Variants in TEP1 observed in about 807,000 individuals in gnomAD.
TEP1 encodes the protein telomerase associated protein 1.
A neutral mutation model predicts 306.3 loss-of-function variants in TEP1; 241 were observed. The observed-to-expected ratio is 0.79, with a 90% confidence interval of 0.71 to 0.88. The LOEUF (loss-of-function observed/expected upper bound fraction) is 0.88, where lower values mean the gene tolerates loss of function less well. TEP1 is among the 40% of genes least tolerant of loss of function. TEP1 has a pLI of 0.00. For synonymous variants in TEP1, 1,289 were observed against 1,305.5 expected (o/e 0.99, Z 0.27); for missense variants, 3,051 against 3,276.1 (o/e 0.93, Z 1.68).
At chr14:20,412,721 G>A (rs1291546984) in intron 1 of TEP1, among the ~76,000 whole-genome samples, 1 of 117,682 alleles carries the variant, frequency 8.5e-6, no homozygotes, top group Non-Finnish European at 1.6e-5. Flanking sequence ...GTCTGGCTCT[G>A]TTGTTCAGCT....
At position 20,369,549 on chromosome 14, in the gene TEP1, T is replaced by C; in HGVS notation, c.7451A>G (p.Asp2484Gly). 6.2e-6 allele frequency: 10 copies of C among 1,614,130 alleles called. No individual in the cohort carries two copies. Among genetic ancestry groups the C allele is most frequent in the Non-Finnish European group, 8.5e-6 (10 of 1,180,028 alleles). ...SESSFLCASS[D>G]GILWNLAKCS... ...TTTGGCCAGGTTCCATAGGATCCCATCAGAGCTGGCACACAAAAATGAGGA... is the reference window on the plus strand; with the variant it reads ...TTTGGCCAGGTTCCATAGGATCCCACCAGAGCTGGCACACAAAAATGAGGA... The change falls in exon 53 of 55, where the codon GAT becomes GGT. Residue 2484 changes from aspartate to glycine, a missense_variant. Physicochemically the swap from Asp to Gly is moderately conservative, Grantham distance 94. Around this residue, in one of 3 missense-constraint regions of TEP1, gnomAD observed 1,540 missense variants for 1,705.9 expected, o/e 0.90. Transcript: ENST00000262715.
At chr14:20,386,053 C>T in intron 20 of TEP1, 22 bp downstream of exon 20, 1 of 1,583,772 alleles carries the variant, frequency 6.3e-7, no homozygotes, top group South Asian at 1.2e-5. Context: ...CCCCAGCCCT[C>T]CTCCAAACCT....
At chr14:20,384,917 G>A (rs528273144) in intron 21 of TEP1, 68 bp downstream of exon 21, 1 of 1,607,978 alleles carries the variant, frequency 6.2e-7, no homozygotes, top group East Asian at 2.2e-5. Flanking sequence ...TCTGAATACT[G>A]AGGAGAGAAG....
In TEP1 at chr14:20,395,414, T is replaced by C. The variant is rs113652647; in HGVS notation, c.1928+36A>G. On this transcript the variant is annotated intron_variant, in intron 12 of 54. Transcript: ENST00000262715. The stretch of plus-strand genomic sequence containing the variant: ...CCAACCTGTGCCAGGGTAGCCCCGA[T>C]TGCCCACCCTTGGCTCCCAGACAGT... 2.4e-4 allele frequency: 362 copies of C among 1,530,686 alleles called. No individual in the cohort carries two copies. The African/African-American group carries it at 4.1e-3, about 17-fold the overall frequency. The allele number at this position is 1,530,686 out of a possible 1,614,324, so 94.8% of individuals were successfully genotyped here. A position where few individuals can be genotyped will look rare whatever the true frequency, so the allele number is the denominator to read the frequency against.
At chr14:20,408,523 A>G in intron 1 of TEP1, 60 bp from the exon 2 acceptor site, 1 of 1,324,344 alleles carries the variant, frequency 7.6e-7, no homozygotes, top group Non-Finnish European at 1.0e-6. Flanking sequence ...TATTTGCATG[A>G]GAGCATATCT....
chr14:20,389,408 A>G, intron 16 of TEP1, 111 bp from the exon 17 acceptor site: 1 of 1,451,442 alleles, frequency 6.9e-7, no homozygotes, highest in Non-Finnish European at 9.6e-7. Context: ...TAATAGGGTT[A>G]TGTGGTAGGC....
At chr14:20,395,807 T>C (rs1484176508) in intron 11 of TEP1, 52 bp downstream of exon 11, 3 of 1,573,584 alleles carry the variant, frequency 1.9e-6, no homozygotes, top group East Asian at 4.5e-5. Context: ...TGCTGCTTCA[T>C]TTATTGTCAG....
Position 20,381,954 on chromosome 14 carries a change from G to A in TEP1, c.4383C>T (p.Tyr1461=), listed in dbSNP as rs756462181. Residue 1461 remains tyrosine (Y), a synonymous_variant, in exon 30 of 55, where the codon TAC becomes TAT. Coordinates refer to ENST00000262715, the MANE Select transcript of TEP1 (RefSeq NM_007110.5). The surrounding 1 kb of genome is among the most constrained non-coding windows in gnomAD (Gnocchi z 4.0). The part of the protein sequence containing the change: ...AVAAGNSGDP[Y]PMGPFACLVQ... ...CGAGGCAGGCAAACGGGCCCATGGGGTAGGGGTCTCCACTGTTACCAGCAG... is the reference window on the plus strand; with the variant it reads ...CGAGGCAGGCAAACGGGCCCATGGGATAGGGGTCTCCACTGTTACCAGCAG... The A allele has an allele frequency of 3.7e-6, 6 of 1,614,010 alleles. No homozygotes were observed. Among genetic ancestry groups the A allele is most frequent in the South Asian group, 1.1e-5 (1 of 91,090 alleles).
chr14:20,388,964 A>G (rs1594351117), intron 17 of TEP1, among the ~76,000 whole-genome samples: 2 of 152,292 alleles, frequency 1.3e-5, no homozygotes, highest in South Asian at 2.1e-4. Flanking sequence ...CCTGACCAAC[A>G]TGGTGAAACC....
intron 7 of TEP1, 62 bp from the exon 8 acceptor site, chr14:20,401,643 C>A: frequency 6.3e-7 from 1 of 1,595,542 alleles, no homozygotes; most frequent in South Asian, 1.1e-5. Context: ...GAACTTTCTT[C>A]AATAAAGCAG....
At chr14:20,386,407 T>C (rs748733284) in intron 19 of TEP1, 40 bp downstream of exon 19, 1 of 1,579,016 alleles carries the variant, frequency 6.3e-7, no homozygotes, top group Admixed American at 1.8e-5. Flanking sequence ...CTCAAGCCCC[T>C]CATCCCCGAC....
rs762759586 is a variant in TEP1 at position 20,378,222 on chromosome 14, G to A, written c.5523C>T (p.Pro1841=). The A allele has an allele frequency of 1.1e-5, 18 of 1,613,346 alleles. No homozygotes were observed. The highest frequency in any genetic ancestry group is 3.3e-5 in the South Asian group (3 of 91,080). ...AGGCCAAGGTACGGATAGAGGCTCC[G>A]GGTGCCCCCAGGTCCTACACAGGGA... ...GLKVTKDLGA[P]GASIRTLAFN... The change falls in exon 39 of 55, where the codon CCC becomes CCT. Residue 1841 remains proline (P), a synonymous_variant. Coordinates refer to ENST00000262715, the MANE Select transcript of TEP1 (RefSeq NM_007110.5).
rs370162854 is a variant in TEP1, at chr14:20,383,245, G to A, written c.3976C>T (p.Arg1326Trp). 4.0e-5 allele frequency: 64 copies of A among 1,613,834 alleles called. No individual in the cohort carries two copies. In the Middle Eastern group the frequency reaches 4.9e-4, roughly 12 times the overall value. The change falls in exon 27 of 55, where the codon CGG becomes TGG. Residue 1326 changes from arginine (R) to tryptophan (W), a missense_variant. Physicochemically the swap from Arg to Trp is moderately radical, Grantham distance 101. This residue lies in a region of TEP1 where 1,540 missense variants were observed against 1,705.9 expected (regional missense o/e 0.90). Transcript: ENST00000262715. ...AGCTCCTCTCTCACCAGCCGGGCCC[G>A]AGCAGAGGCCTCCAGAGGCCCCAAG... ...LALGPLEASA[R>W]ARLVREELAL...
At chr14:20,386,396 A>G in intron 19 of TEP1, 51 bp downstream of exon 19, 1 of 1,574,866 alleles carries the variant, frequency 6.3e-7, no homozygotes, top group South Asian at 1.2e-5. Context: ...CAGGTCCACC[A>G]CTCAAGCCCC....
chr14:20,389,564 A>G, intron 16 of TEP1, 46 bp downstream of exon 16: 1 of 1,606,748 alleles, frequency 6.2e-7, no homozygotes, highest in South Asian at 1.1e-5. Flanking sequence ...GAGGAAATGT[A>G]GACCACTGAT....
At chr14:20,374,979 T>A (rs1045778881) in intron 43 of TEP1, among the ~76,000 whole-genome samples, 10 of 151,556 alleles carry the variant, frequency 6.6e-5, no homozygotes, top group African/African-American at 9.7e-5. Flanking sequence ...TAATCTCAGC[T>A]ACTCAGGAGG....
chr14:20,383,998 G>C, intron 24 of TEP1, 40 bp downstream of exon 24: 1 of 1,584,698 alleles, frequency 6.3e-7, no homozygotes, highest in Non-Finnish European at 8.6e-7. Context: ...AGCCCACACA[G>C]CCTTCCCTCC....
Position 20,385,012 on chromosome 14 carries a change from A to T in TEP1, c.3080T>A (p.Ile1027Asn). 6.2e-7 allele frequency: 1 copy of T among 1,614,234 alleles called. No homozygotes were observed. Among genetic ancestry groups the T allele is most frequent in the Non-Finnish European group, 8.5e-7 (1 of 1,180,048 alleles). ...QRLQPSAQAL[I>N]YFRDSSFLSS... The stretch of plus-strand genomic sequence containing the variant: ...GAGGAAGCTGGAATCCCGGAAGTAG[A>T]TGAGAGCTTGGGCAGAGGGCTGCAG... The change falls in exon 21 of 55, where the codon ATC becomes AAC. Residue 1027 changes from isoleucine (I) to asparagine (N), a missense_variant. This residue lies in a region of TEP1 where 1,507 missense variants were observed against 1,550.5 expected (regional missense o/e 0.97). Transcript: ENST00000262715.
chr14:20,383,635 C>A lies in TEP1; in HGVS notation c.3720G>T (p.Val1240=), dbSNP rs749154105. 6.2e-7 allele frequency: 1 copy of A among 1,613,444 alleles called. No homozygotes were observed. The highest frequency in any genetic ancestry group is 8.5e-7 in the Non-Finnish European group (1 of 1,179,822). ...GALPSTYRSL[V]WELQQRLLPK... is the part of the protein sequence containing the mutation. ...GCAGCAGCCTCTGCTGCAGCTCCCA[C>A]ACCAGGCTTCTGTACATGGAGAGGA... Residue 1240 remains valine, a synonymous_variant, in exon 26 of 55, where the codon GTG becomes GTT. Coordinates refer to ENST00000262715, the MANE Select transcript of TEP1 (RefSeq NM_007110.5).
Sources: gnomAD v4.1 joint callset for allele counts (sites outside exome capture counted in the v4.1 genomes callset) on GRCh38, gnomAD v4.1.1 for gene constraint, gnomAD v4.1.1 regional missense constraint, Gnocchi (gnomAD v3.1) non-coding constraint, MANE v1.5 for transcripts, NCBI Gene and HGNC (gene_info 2026-07-23, HGNC 2026-07-21) for gene names.